Variants in MMEL1 observed in about 807,000 individuals in gnomAD.
MMEL1 encodes membrane metalloendopeptidase like 1, also known as membrane metallo-endopeptidase-like 1.
MMEL1 carries 98 observed loss-of-function variants against 117.1 expected under a neutral mutation model. The ratio of observed to expected loss-of-function variants is 0.84; its 90% CI spans 0.71 to 0.99. The LOEUF (loss-of-function observed/expected upper bound fraction) is 0.99, where lower values mean the gene tolerates loss of function less well. MMEL1 is among the 50% of genes least tolerant of loss of function. The pLI is 0.00. For missense variants in MMEL1, 1,014 were observed against 1,049.1 expected (o/e 0.97, Z 0.46); for synonymous variants, 390 against 415.1 (o/e 0.94, Z 0.74).
intron 9 of MMEL1, 141 bp downstream of exon 9, chr1:2,605,417 C>T (rs1365316357): frequency 1.3e-6 from 1 of 741,520 alleles, no homozygotes; most frequent in Non-Finnish European, 2.4e-6. Context: ...ACCCGCCACC[C>T]TCAGTGCCGG....
At chr1:2,606,028 G>A (rs1570676806) in intron 8 of MMEL1, among the ~76,000 whole-genome samples, 1 of 152,172 alleles carries the variant, frequency 6.6e-6, no homozygotes, top group Admixed American at 6.5e-5. Context: ...GACCAGAACC[G>A]GGTTCTACTG....
At chr1:2,611,836 C>T (rs569773780) in intron 3 of MMEL1, among the ~76,000 whole-genome samples, 13 of 152,330 alleles carry the variant, frequency 8.5e-5, no homozygotes, top group African/African-American at 3.1e-4. Flanking sequence ...CCTTGCTGCC[C>T]CTCTCTGCAT....
rs1476312655 is a variant in MMEL1 at position 2,592,733 on chromosome 1, G to A, written c.2002-13C>T. 1.2e-6 allele frequency: 2 copies of A among 1,611,762 alleles called. No individual in the cohort carries two copies. The highest frequency in any genetic ancestry group is 1.7e-6 in the Non-Finnish European group (2 of 1,179,162). On this transcript the variant is annotated splice_polypyrimidine_tract_variant and intron_variant, in intron 20 of 23. Coordinates refer to ENST00000378412, the MANE Select transcript of MMEL1 (RefSeq NM_033467.4). Reference sequence around the variant, plus strand: ...TGAATCCGTTCACCTGCGCACAGGAGACAGGATTGGGGCAGCCCCGGCCCT... The same window carrying A: ...TGAATCCGTTCACCTGCGCACAGGAAACAGGATTGGGGCAGCCCCGGCCCT...
intron 19 of MMEL1, 113 bp from the exon 20 acceptor site, chr1:2,593,079 G>A (rs1161970481): frequency 1.1e-5 from 15 of 1,368,042 alleles, no homozygotes; most frequent in South Asian, 3.9e-5. Context: ...GCCCCAGTAC[G>A]GAGAGCCCAC....
At chr1:2,604,619 C>T (rs370311566) in intron 9 of MMEL1, among the ~76,000 whole-genome samples, 4 of 151,786 alleles carry the variant, frequency 2.6e-5, no homozygotes, top group South Asian at 2.1e-4. Flanking sequence ...TTGGGCCTGC[C>T]GGGGCTGTGG....
intron 2 of MMEL1, among the ~76,000 whole-genome samples, chr1:2,615,175 G>T (rs1645183310): frequency 6.6e-6 from 1 of 152,146 alleles, no homozygotes; most frequent in African/African-American, 2.4e-5. Flanking sequence ...CACTCCTCAG[G>T]TGTGAGCTGC....
At chr1:2,624,113 G>C (rs1645332823) in intron 2 of MMEL1, among the ~76,000 whole-genome samples, 1 of 152,140 alleles carries the variant, frequency 6.6e-6, no homozygotes, top group East Asian at 1.9e-4. Flanking sequence ...GCCTGAGACT[G>C]GGCCACGACA....
chr1:2,595,181 G>C lies in MMEL1; in HGVS notation c.1584+95C>G. The C allele has an allele frequency of 8.8e-7, 1 of 1,139,344 alleles. No homozygotes were observed. The highest frequency in any genetic ancestry group is 1.3e-6 in the Non-Finnish European group (1 of 778,296). 70.6% of individuals were successfully genotyped at this position (1,139,344 alleles called of 1,614,324 possible). ...AGGACAGCTGTGTTAGCGCCTGGGA[G>C]GAGGGCACAGAGCTTGGCACAGAGG... On this transcript the variant is annotated intron_variant, in intron 16 of 23. Transcript: ENST00000378412. The surrounding 1 kb of genome is among the most constrained non-coding windows in gnomAD (Gnocchi z 4.8).
chr1:2,609,028 ATAT>A (rs1645081167), intron 6 of MMEL1, among the ~76,000 whole-genome samples: 1 of 147,670 alleles, frequency 6.8e-6, no homozygotes, highest in Admixed American at 6.9e-5. Flanking sequence ...ACTCATATCC[ATAT>A]AATACACACA....
intron 13 of MMEL1, among the ~76,000 whole-genome samples, chr1:2,597,798 C>T (rs1175637120): frequency 6.6e-6 from 1 of 152,224 alleles, no homozygotes; most frequent in Non-Finnish European, 1.5e-5. Flanking sequence ...GGTCACCTCG[C>T]CTCCCTCCCT....
Position 2,593,099 on chromosome 1 carries a change from A to G in MMEL1, c.1868-133T>C, listed in dbSNP as rs556629005. The G allele has an allele frequency of 5.4e-5, 63 of 1,170,634 alleles. No individual in the cohort carries two copies. The African/African-American group carries it at 8.7e-4, about 16-fold the overall frequency. The allele number at this position is 1,170,634 out of a possible 1,614,324, so 72.5% of individuals were successfully genotyped here. On this transcript the variant is annotated intron_variant, in intron 19 of 23. Coordinates refer to ENST00000378412, the MANE Select transcript of MMEL1 (RefSeq NM_033467.4). ...AGTACGGAGAGCCCACAGTCTGAGT[A>G]GGCTGAGCCTGGAAGAGCATCGCGG...
intron 2 of MMEL1, among the ~76,000 whole-genome samples, chr1:2,613,195 A>G (rs971233489): frequency 6.6e-6 from 1 of 152,200 alleles, no homozygotes; most frequent in Non-Finnish European, 1.5e-5. Flanking sequence ...ACAGGGAGAA[A>G]GTGCCGCATG....
rs191169906 is a variant in MMEL1, at chr1:2,616,271, G to A, written c.155-4067C>T. Among the ~76,000 whole-genome samples, 330 of 151,756 alleles carry A rather than the reference G, an allele frequency of 2.2e-3. 1 individual carries two copies. The highest frequency in any genetic ancestry group is 7.7e-3 in the African/African-American group (317 of 41,312). ...GTGGGAAGATCGCTTGAGTCTGGGAGGGGGGATGTTCCAGTAAGCTGTGAT... is the reference window on the plus strand; with the variant it reads ...GTGGGAAGATCGCTTGAGTCTGGGAAGGGGGATGTTCCAGTAAGCTGTGAT... On this transcript the variant is annotated intron_variant, in intron 2 of 23. Transcript: ENST00000378412.
intron 2 of MMEL1, among the ~76,000 whole-genome samples, chr1:2,614,899 T>TC (rs921887113): frequency 2.7e-5 from 4 of 147,888 alleles, no homozygotes; most frequent in African/African-American, 7.5e-5. Flanking sequence ...AAGAAAGTGC[T>TC]CCCCCCCAAA....
intron 11 of MMEL1, among the ~76,000 whole-genome samples, chr1:2,599,785 A>T (rs1644902146): frequency 6.6e-6 from 1 of 151,124 alleles, no homozygotes; most frequent in Non-Finnish European, 1.5e-5. Flanking sequence ...TGAACCTGGG[A>T]GGCAGAGGTT....
chr1:2,606,977 C>G lies in MMEL1; in HGVS notation c.628G>C (p.Val210Leu). 1 of 1,612,172 alleles carries G rather than the reference C, an allele frequency of 6.2e-7. No homozygotes were observed. Among genetic ancestry groups the G allele is most frequent in the Non-Finnish European group, 8.5e-7 (1 of 1,179,678 alleles). The change falls in exon 7 of 24, where the codon GTA (valine) becomes CTA (leucine). Residue 210 changes from valine (V) to leucine (L), a missense_variant. By Grantham distance (32) the Val-to-Leu change is conservative (BLOSUM62 1). Transcript: ENST00000378412. The stretch of plus-strand genomic sequence containing the variant: ...CTGCTGCCAGGCCCGGCCTTACCTA[C>G]GGTCTCGTTCCACCTGTCCATCGCC... Reference protein sequence around the residue: ...PVAMDRWNETVGLEWELERQL... With the variant: ...PVAMDRWNETLGLEWELERQL...
chr1:2,613,721 T>C (rs1465560299), intron 2 of MMEL1, among the ~76,000 whole-genome samples: 1 of 151,964 alleles, frequency 6.6e-6, no homozygotes, highest in Admixed American at 6.6e-5. Flanking sequence ...CATGGCGGCA[T>C]ACGTCTGTAG....
chr1:2,601,535 G>A (rs1327923392), intron 11 of MMEL1, among the ~76,000 whole-genome samples: 1 of 151,724 alleles, frequency 6.6e-6, no homozygotes, highest in African/African-American at 2.4e-5. Context: ...TACTAACCAC[G>A]AAGAAGAGAT....
chr1:2,601,911 G>A (rs1644938321), intron 11 of MMEL1, among the ~76,000 whole-genome samples: 1 of 152,260 alleles, frequency 6.6e-6, no homozygotes, highest in Non-Finnish European at 1.5e-5. Flanking sequence ...GCGAGGGTGT[G>A]GCACCAGCCG....
Sources: allele counts gnomAD v4.1 joint callset (sites outside exome capture counted in the v4.1 genomes callset), GRCh38; gene constraint gnomAD v4.1.1; non-coding constraint Gnocchi (gnomAD v3.1); transcripts MANE v1.5; gene names NCBI Gene and HGNC (gene_info 2026-07-23, HGNC 2026-07-21).